ATP13A4: variants seen among roughly 807,000 people sequenced by gnomAD.
ATP13A4 encodes ATPase 13A4.
Under a neutral mutation model 142.5 loss-of-function variants are expected in ATP13A4, and 114 were observed. The ratio of observed to expected loss-of-function variants is 0.80; its 90% CI spans 0.69 to 0.93. The LOEUF is 0.93. Among genes scored for constraint, ATP13A4 ranks in the 40% least tolerant of loss-of-function variants. The pLI is 0.00. For synonymous variants in ATP13A4, 488 were observed against 514.8 expected (o/e 0.95, Z 0.70); for missense variants, 1,392 against 1,454.0 (o/e 0.96, Z 0.69).
intron 7 of ATP13A4, among the ~76,000 whole-genome samples, chr3:193,486,925 T>A (rs903556097): frequency 6.6e-6 from 1 of 152,234 alleles, no homozygotes; most frequent in East Asian, 1.9e-4. Context: ...AAAGTACATA[T>A]ATTTGCTTCA....
intron 1 of ATP13A4, among the ~76,000 whole-genome samples, chr3:193,587,975 A>G (rs1724698130): frequency 6.6e-6 from 1 of 151,638 alleles, no homozygotes; most frequent in Admixed American, 6.6e-5. Flanking sequence ...ATATATATAT[A>G]TTTAAAAATT....
At chr3:193,567,522 G>T (rs761703477) in intron 2 of ATP13A4, among the ~76,000 whole-genome samples, 1 of 152,146 alleles carries the variant, frequency 6.6e-6, no homozygotes, top group Non-Finnish European at 1.5e-5. Context: ...CCATGGATAC[G>T]AATTAATATT....
At chr3:193,425,525 C>T (rs1644738677) in intron 25 of ATP13A4, among the ~76,000 whole-genome samples, 1 of 151,606 alleles carries the variant, frequency 6.6e-6, no homozygotes, top group African/African-American at 2.4e-5. Flanking sequence ...ACTATTGAGC[C>T]TTAAAAAAAC....
intron 25 of ATP13A4, among the ~76,000 whole-genome samples, chr3:193,415,380 T>C (rs993029088): frequency 7.9e-5 from 12 of 152,122 alleles, no homozygotes; most frequent in African/African-American, 1.7e-4. Flanking sequence ...GTCAGAAATC[T>C]GAAAATCTGA....
intron 18 of ATP13A4, 118 bp from the exon 19 acceptor site, chr3:193,442,674 C>T: frequency 2.9e-6 from 3 of 1,033,940 alleles, no homozygotes; most frequent in Non-Finnish European, 4.4e-6. Context: ...GAGAAATGAT[C>T]TCTGATATCT....
At chr3:193,452,149 T>G (rs1717317042) in intron 17 of ATP13A4, among the ~76,000 whole-genome samples, 1 of 152,176 alleles carries the variant, frequency 6.6e-6, no homozygotes, top group African/African-American at 2.4e-5. Flanking sequence ...AATATCATAT[T>G]ATGACAATGA....
Position 193,401,403 on chromosome 3 carries a change from AT to A in ATP13A4, c.*1248del, listed in dbSNP as rs571578657. 1.8e-4 allele frequency among the ~76,000 whole-genome samples: 27 copies of A among 152,250 alleles called. No individual in the cohort carries two copies. Among genetic ancestry groups the A allele is most frequent in the Admixed American group, 6.5e-4 (10 of 15,296 alleles). ...TCAAGCCACAAACTTTAAAAAAAAA[AT>A]GTACTAGTTGTGTAAGAACTCCCAT... On this transcript the variant is annotated 3_prime_UTR_variant, in exon 30 of 30. Coordinates refer to ENST00000342695, the MANE Select transcript of ATP13A4 (RefSeq NM_032279.4).
chr3:193,551,352 G>A (rs1474813814), intron 1 of ATP13A4, among the ~76,000 whole-genome samples: 2 of 152,134 alleles, frequency 1.3e-5, no homozygotes, highest in African/African-American at 4.8e-5. Flanking sequence ...GGCAGAGGTT[G>A]CAGTGAGCCG....
rs549598411 is a variant in ATP13A4 at position 193,550,827 on chromosome 3, TC to T, written c.60+3912del. On this transcript the variant is annotated intron_variant, in intron 1 of 29. Coordinates refer to ENST00000342695, the MANE Select transcript of ATP13A4 (RefSeq NM_032279.4). ...AAAAGTCTCACTGGAACAAAACACTTCCCCAAAAGATTGATTGTGTTAAGGT... is the reference window on the plus strand; with the variant it reads ...AAAAGTCTCACTGGAACAAAACACTTCCCAAAAGATTGATTGTGTTAAGGT... Among the ~76,000 whole-genome samples the T allele has an allele frequency of 3.2e-3, 494 of 152,274 alleles. 3 individuals are homozygous for T. Among genetic ancestry groups the T allele is most frequent in the African/African-American group, 0.011 (463 of 41,534 alleles).
chr3:193,554,070 T>C (rs1457571772), intron 1 of ATP13A4, among the ~76,000 whole-genome samples: 1 of 152,216 alleles, frequency 6.6e-6, no homozygotes, highest in Non-Finnish European at 1.5e-5. Context: ...TTTAAATTCA[T>C]CCTGAGCATG....
chr3:193,574,017 C>G (rs1208332781), intron 2 of ATP13A4, among the ~76,000 whole-genome samples: 1 of 152,094 alleles, frequency 6.6e-6, no homozygotes, highest in Non-Finnish European at 1.5e-5. Context: ...AGGAACTAAT[C>G]TACATACAGA....
At chr3:193,405,888 G>A (rs1428868690) in intron 29 of ATP13A4, among the ~76,000 whole-genome samples, 1 of 152,066 alleles carries the variant, frequency 6.6e-6, no homozygotes, top group Admixed American at 6.5e-5. Context: ...CTGTGATCAC[G>A]AACAGGGATA....
chr3:193,537,264 G>C (rs1351417368), intron 1 of ATP13A4, among the ~76,000 whole-genome samples: 2 of 152,098 alleles, frequency 1.3e-5, no homozygotes, highest in African/African-American at 2.4e-5. Context: ...TAATGAAATA[G>C]AAGAGAAAAC....
chr3:193,490,422 A>G (rs1232878774), intron 6 of ATP13A4, among the ~76,000 whole-genome samples: 4 of 152,206 alleles, frequency 2.6e-5, no homozygotes, highest in Non-Finnish European at 5.9e-5. Flanking sequence ...CCATATTTGA[A>G]GTCATTAAGG....
chr3:193,537,711 G>A (rs147931360), intron 1 of ATP13A4, among the ~76,000 whole-genome samples: 1 of 152,230 alleles, frequency 6.6e-6, no homozygotes, highest in East Asian at 1.9e-4. Flanking sequence ...CTGAGAAGAT[G>A]TCCTGCAATG....
chr3:193,427,868 A>G (rs1715752934), intron 25 of ATP13A4, among the ~76,000 whole-genome samples: 2 of 152,220 alleles, frequency 1.3e-5, no homozygotes, highest in African/African-American at 4.8e-5. Flanking sequence ...ACCATTCCGG[A>G]CATAGGCATG....
chr3:193,531,558 G>A (rs143631909), intron 1 of ATP13A4, among the ~76,000 whole-genome samples: 1 of 152,184 alleles, frequency 6.6e-6, no homozygotes, highest in African/African-American at 2.4e-5. Flanking sequence ...GCTCCTTGAG[G>A]CAGAAACAGA....
Position 193,554,787 on chromosome 3 carries a change from C to T in ATP13A4, c.13G>A (p.Glu5Lys), listed in dbSNP as rs762340972. Residue 5 changes from glutamate (E) to lysine (K), a missense_variant, in exon 1 of 30, where the codon GAG (glutamate) becomes AAG (lysine). By Grantham distance (56) the Glu-to-Lys change is moderately conservative. Coordinates refer to ENST00000342695, the MANE Select transcript of ATP13A4 (RefSeq NM_032279.4). MGHF[E>K]KGQHALLNEG... The stretch of plus-strand genomic sequence containing the variant: ...TTGAGCAGAGCGTGCTGGCCCTTCT[C>T]AAAGTGTCCCATGAAAAAGTTATTC... 1 of 1,613,856 alleles carries T rather than the reference C, an allele frequency of 6.2e-7. No homozygotes were observed. Among genetic ancestry groups the T allele is most frequent in the African/African-American group, 1.3e-5 (1 of 74,850 alleles).
upstream of ATP13A4, among the ~76,000 whole-genome samples, chr3:193,557,304 T>C (rs1234980254): frequency 2.0e-5 from 3 of 152,190 alleles, no homozygotes; most frequent in Admixed American, 6.5e-5. Flanking sequence ...TTTCCTCAGG[T>C]TCCTTGGGAG....
Sources: allele counts gnomAD v4.1 joint callset (sites outside exome capture counted in the v4.1 genomes callset), GRCh38; gene constraint gnomAD v4.1.1; transcripts MANE v1.5; gene names NCBI Gene and HGNC (gene_info 2026-07-23, HGNC 2026-07-21).